Variants in ENOX1 observed in about 807,000 individuals in gnomAD.
ENOX1 encodes the protein candidate growth-related and time keeping constitutive hydroquinone (NADH) oxidase.
Under a neutral mutation model 82.5 loss-of-function variants are expected in ENOX1, and 42 were observed. That is an observed-to-expected ratio of 0.51 (90% CI 0.40 to 0.66). ENOX1 has a LOEUF of 0.66. Ranked by LOEUF, ENOX1 falls within the 30% of genes least tolerant of loss-of-function variation. ENOX1 has a pLI of 0.00. For missense variants in ENOX1, 608 were observed against 811.6 expected, an observed-to-expected ratio of 0.75 and a Z score of 3.05; for synonymous variants, 271 against 282.2, an observed-to-expected ratio of 0.96 and a Z score of 0.40.
At chr13:43,563,044 G>A (rs1281514623) in intron 2 of ENOX1, among the ~76,000 whole-genome samples, 1 of 152,114 alleles carries the variant, frequency 6.6e-6, no homozygotes, top group Non-Finnish European at 1.5e-5. Flanking sequence ...GGACCTCATA[G>A]ATAATTCCAG....
intron 16 of ENOX1, among the ~76,000 whole-genome samples, chr13:43,214,526 T>C (rs1272856813): frequency 3.3e-5 from 5 of 152,204 alleles, no homozygotes; most frequent in Non-Finnish European, 7.3e-5. Flanking sequence ...TTTTCTTTAA[T>C]GCTGCCAGGA....
intron 12 of ENOX1, among the ~76,000 whole-genome samples, chr13:43,271,780 A>G (rs2044699720): frequency 1.3e-5 from 2 of 152,066 alleles, no homozygotes; most frequent in South Asian, 4.2e-4. Context: ...CACACTTTTT[A>G]AATGAAATGT....
chr13:43,213,544 C>CTTTTTTTTTTTTTTTT lies in ENOX1; in HGVS notation c.*430_*445dup, dbSNP rs3043205. On this transcript the variant is annotated 3_prime_UTR_variant, in exon 17 of 17. Transcript: ENST00000690772. ...TTTTTCTTTTTTTCTTTTTCTTTTT[C>CTTTTTTTTTTTTTTTT]TTTTTTTTTTTTTTTTTTTTTTTAC... is the stretch of plus-strand genomic sequence containing the variant. The CTTTTTTTTTTTTTTTT allele has an allele frequency of 3.6e-5, 3 of 84,008 alleles. No homozygotes were observed. The highest frequency in any genetic ancestry group is 4.2e-4 in the East Asian group (1 of 2,394). The allele number at this position is 84,008 out of a possible 1,614,324, so 5.2% of individuals were successfully genotyped here.
At chr13:43,250,418 TC>T (rs1237470390) in intron 14 of ENOX1, among the ~76,000 whole-genome samples, 6 of 152,226 alleles carry the variant, frequency 3.9e-5, no homozygotes, top group African/African-American at 1.4e-4. Flanking sequence ...TCCAATGTGC[TC>T]CCAACAGGCG....
intron 1 of ENOX1, among the ~76,000 whole-genome samples, chr13:43,779,528 G>A (rs1372753531): frequency 6.6e-6 from 1 of 152,208 alleles, no homozygotes; most frequent in Non-Finnish European, 1.5e-5. Flanking sequence ...CCTGAAGCAG[G>A]GAGTGTCAGG....
chr13:43,397,070 C>G (rs1466268680), intron 5 of ENOX1, among the ~76,000 whole-genome samples: 1 of 152,214 alleles, frequency 6.6e-6, no homozygotes, highest in Non-Finnish European at 1.5e-5. Flanking sequence ...GTGGGTGAGG[C>G]CTGCGGCACA....
At chr13:43,508,939 T>A (rs554150958) in intron 2 of ENOX1, among the ~76,000 whole-genome samples, 1 of 152,148 alleles carries the variant, frequency 6.6e-6, no homozygotes, top group East Asian at 1.9e-4. Flanking sequence ...CATTTATTGA[T>A]CAAATAAATG....
chr13:43,290,163 T>G (rs1369753521), intron 12 of ENOX1, among the ~76,000 whole-genome samples: 1 of 152,196 alleles, frequency 6.6e-6, no homozygotes, highest in Non-Finnish European at 1.5e-5. Flanking sequence ...GAAAGCAGTC[T>G]GGAGATTTCT....
At position 43,344,487 on chromosome 13, in the gene ENOX1, A is replaced by G. The variant is rs780540350; in HGVS notation, c.1036+51T>C. On this transcript the variant is annotated intron_variant, in intron 9 of 16. Coordinates refer to ENST00000690772, the MANE Select transcript of ENOX1 (RefSeq NM_001347969.2). ...AAATGAAAAAGTAAAATTAATAAAA[A>G]AGAAAAGGCAAAATCACAACAAAAG... 5.4e-6 allele frequency: 8 copies of G among 1,486,268 alleles called. No homozygotes were observed. The African/African-American group carries it at 9.9e-5, about 18-fold the overall frequency. The allele number at this position is 1,486,268 out of a possible 1,614,324, so 92.1% of individuals were successfully genotyped here.
chr13:43,507,913 C>T (rs925614192), intron 2 of ENOX1, among the ~76,000 whole-genome samples: 1 of 151,996 alleles, frequency 6.6e-6, no homozygotes, highest in Non-Finnish European at 1.5e-5. Flanking sequence ...GTTATAACTA[C>T]ATATTCATAC....
At chr13:43,585,128 T>A (rs2080920440) in intron 2 of ENOX1, among the ~76,000 whole-genome samples, 1 of 152,156 alleles carries the variant, frequency 6.6e-6, no homozygotes, top group Non-Finnish European at 1.5e-5. Context: ...ATCACAAGGG[T>A]CCTATAAAGA....
chr13:43,486,098 T>A (rs2076404984), intron 2 of ENOX1, among the ~76,000 whole-genome samples: 4 of 152,130 alleles, frequency 2.6e-5, no homozygotes, highest in Non-Finnish European at 5.9e-5. Context: ...TAGTCCCAGC[T>A]CCTTGGGAGG....
At chr13:43,501,602 AAG>A (rs796676792) in intron 2 of ENOX1, among the ~76,000 whole-genome samples, 15 of 151,826 alleles carry the variant, frequency 9.9e-5, no homozygotes, top group African/African-American at 2.9e-4. Flanking sequence ...ATAACAAAAA[AAG>A]AGAAAATTCA....
At chr13:43,396,855 T>G (rs182116879) in intron 5 of ENOX1, among the ~76,000 whole-genome samples, 4 of 152,358 alleles carry the variant, frequency 2.6e-5, no homozygotes, top group Middle Eastern at 3.4e-3. Context: ...AGTCAGAGCT[T>G]TAAGGGAGCC....
intron 14 of ENOX1, among the ~76,000 whole-genome samples, chr13:43,247,885 T>A (rs1477040707): frequency 0.023 from 129 of 5,684 alleles, no homozygotes; most frequent in South Asian, 0.043. Flanking sequence ...ATATATATAT[T>A]TTTTTTTTTT....
chr13:43,468,009 T>C (rs907931897), intron 3 of ENOX1, among the ~76,000 whole-genome samples: 1 of 152,162 alleles, frequency 6.6e-6, no homozygotes, highest in Non-Finnish European at 1.5e-5. Context: ...CTCTATTCCA[T>C]TCCATTTATC....
At position 43,411,875 on chromosome 13, in the gene ENOX1, G is replaced by A. The variant is rs1356501164; in HGVS notation, c.208+41C>T. On this transcript the variant is annotated intron_variant, in intron 5 of 16. Coordinates refer to ENST00000690772, the MANE Select transcript of ENOX1 (RefSeq NM_001347969.2). ...CAGGCACCTGTCACCTACACCCTTC[G>A]GCACTGCTGCAAGCATCTCTGAAAC... is the stretch of plus-strand genomic sequence containing the variant. 5 of 1,611,580 alleles carry A rather than the reference G, an allele frequency of 3.1e-6. No homozygotes were observed. The South Asian group carries it at 4.4e-5, about 14-fold the overall frequency.
intron 16 of ENOX1, among the ~76,000 whole-genome samples, chr13:43,215,755 A>C (rs1593379364): frequency 6.6e-6 from 1 of 152,078 alleles, no homozygotes; most frequent in Non-Finnish European, 1.5e-5. Context: ...AGTAGCGGTC[A>C]CCTGGAGGCA....
At chr13:43,265,272 T>C (rs1007000227) in intron 14 of ENOX1, 126 bp downstream of exon 14, 1 of 727,330 alleles carries the variant, frequency 1.4e-6, no homozygotes, top group Non-Finnish European at 2.2e-6. Context: ...CAAACCCATA[T>C]ATTAATCTTA....
Sources: allele counts gnomAD v4.1 joint callset (sites outside exome capture counted in the v4.1 genomes callset), GRCh38; gene constraint gnomAD v4.1.1; transcripts MANE v1.5; gene names NCBI Gene and HGNC (gene_info 2026-07-23, HGNC 2026-07-21).